The following SMIM35 variants were observed in gnomAD, a reference collection of about 807,000 sequenced individuals.
The protein encoded by SMIM35 is TMPRSS4 antisense RNA 1 (non-protein coding).
At chr11:118,021,179 C>T (rs2058228046) in intron 1 of SMIM35, among the ~76,000 whole-genome samples, 1 of 151,898 alleles carries the variant, frequency 6.6e-6, no homozygotes, top group South Asian at 2.1e-4. Flanking sequence ...CAAAGTAAAG[C>T]TTTTAGAAGC....
chr11:118,060,196 T>C (rs942733498), intron 1 of SMIM35, among the ~76,000 whole-genome samples: 5 of 152,148 alleles, frequency 3.3e-5, no homozygotes, highest in Admixed American at 1.3e-4. Flanking sequence ...CCCCCACCCA[T>C]GTGGCCTGCC....
rs535360958 is a variant in SMIM35 at position 118,023,312 on chromosome 11, G to C, written c.8-7503C>G. On this transcript the variant is annotated intron_variant, in intron 1 of 4. Coordinates refer to ENST00000689828, the MANE Select transcript of SMIM35 (RefSeq NM_001394165.1). Reference sequence around the variant, plus strand: ...TGTGAAAAAGAGGGAGAGGGAGAAAGAGAGATTCAATAAGTCTCAAATTAT... The same window carrying C: ...TGTGAAAAAGAGGGAGAGGGAGAAACAGAGATTCAATAAGTCTCAAATTAT... Among the ~76,000 whole-genome samples, 8 of 152,200 alleles carry C rather than the reference G, an allele frequency of 5.3e-5. No individual in the cohort carries two copies. The East Asian group carries it at 1.6e-3, about 30-fold the overall frequency.
At chr11:118,036,921 A>G (rs1565387222) in intron 1 of SMIM35, among the ~76,000 whole-genome samples, 2 of 152,192 alleles carry the variant, frequency 1.3e-5, no homozygotes. Flanking sequence ...CTCTCAGGCA[A>G]TAGATGATTG....
intron 1 of SMIM35, among the ~76,000 whole-genome samples, chr11:118,085,775 C>T (rs1945507345): frequency 6.6e-6 from 1 of 152,176 alleles, no homozygotes; most frequent in Non-Finnish European, 1.5e-5. Flanking sequence ...GAGTCCCCTC[C>T]AGCCATTGTC....
chr11:118,069,833 G>A (rs372962284), intron 1 of SMIM35, among the ~76,000 whole-genome samples: 2 of 152,132 alleles, frequency 1.3e-5, no homozygotes, highest in Non-Finnish European at 2.9e-5. Context: ...AAGCCGAGGC[G>A]GGTGGATCAC....
intron 1 of SMIM35, among the ~76,000 whole-genome samples, chr11:118,075,946 A>T (rs781176022): frequency 3.5e-4 from 53 of 152,198 alleles, no homozygotes; most frequent in Non-Finnish European, 6.8e-4. Flanking sequence ...AGCTCCAGCT[A>T]TCAGGATGTG....
intron 1 of SMIM35, among the ~76,000 whole-genome samples, chr11:118,072,591 G>A (rs1384287388): frequency 6.6e-6 from 1 of 152,168 alleles, no homozygotes; most frequent in Non-Finnish European, 1.5e-5. Flanking sequence ...AGGAAATCAG[G>A]CAGGGAGGAG....
intron 1 of SMIM35, among the ~76,000 whole-genome samples, chr11:118,021,585 A>G (rs927278941): frequency 6.6e-6 from 1 of 152,154 alleles, no homozygotes; most frequent in Non-Finnish European, 1.5e-5. Flanking sequence ...ACAGTCACAT[A>G]TAAAAGGGAA....
intron 1 of SMIM35, among the ~76,000 whole-genome samples, chr11:118,054,208 C>A (rs1272103448): frequency 7.1e-6 from 1 of 141,536 alleles, no homozygotes; most frequent in Non-Finnish European, 1.6e-5. Context: ...TGTTTGTTTG[C>A]TTGTTTGTTT....
intron 1 of SMIM35, among the ~76,000 whole-genome samples, chr11:118,044,191 A>T (rs1019104046): frequency 6.6e-6 from 1 of 152,096 alleles, no homozygotes; most frequent in African/African-American, 2.4e-5. Context: ...CTCAAAACCC[A>T]TGCAAAAAGC....
At chr11:118,017,657 G>A (rs1185613373) in intron 1 of SMIM35, among the ~76,000 whole-genome samples, 1 of 152,172 alleles carries the variant, frequency 6.6e-6, no homozygotes, top group Non-Finnish European at 1.5e-5. Context: ...TAAAGGAGGT[G>A]TATTAGTTTA....
At chr11:118,072,034 A>C (rs977174674) in intron 1 of SMIM35, among the ~76,000 whole-genome samples, 1 of 152,208 alleles carries the variant, frequency 6.6e-6, no homozygotes, top group African/African-American at 2.4e-5. Flanking sequence ...TCTTCAAGGC[A>C]GGAGATATTT....
chr11:118,055,535 G>A (rs1855675401), intron 1 of SMIM35, among the ~76,000 whole-genome samples: 1 of 152,038 alleles, frequency 6.6e-6, no homozygotes, highest in Non-Finnish European at 1.5e-5. Context: ...CTTTTGGTGG[G>A]GCATGTCTTC....
At chr11:118,044,772 C>CAAAAAAA (rs35072099) in intron 1 of SMIM35, among the ~76,000 whole-genome samples, 1 of 94,732 alleles carries the variant, frequency 1.1e-5, no homozygotes, top group African/African-American at 4.4e-5. Context: ...ACTCCATCTC[C>CAAAAAAA]AAAAAAAAAA....
chr11:118,054,531 C>T (rs1379574369), intron 1 of SMIM35, among the ~76,000 whole-genome samples: 3 of 152,150 alleles, frequency 2.0e-5, no homozygotes, highest in South Asian at 2.1e-4. Context: ...GTAACAACCA[C>T]GGTGCCATGG....
intron 1 of SMIM35, among the ~76,000 whole-genome samples, chr11:118,079,809 T>A (rs1037821238): frequency 6.6e-6 from 1 of 151,934 alleles, no homozygotes; most frequent in Non-Finnish European, 1.5e-5. Context: ...CACTGCAGGG[T>A]CCACCCTGAC....
At chr11:118,062,674 G>A (rs556051797) in intron 1 of SMIM35, among the ~76,000 whole-genome samples, 1 of 152,202 alleles carries the variant, frequency 6.6e-6, no homozygotes, top group South Asian at 2.1e-4. Flanking sequence ...CTGCACCCTT[G>A]CCTTCTTTGT....
At chr11:118,065,549 T>C (rs1286279395) in intron 1 of SMIM35, among the ~76,000 whole-genome samples, 2 of 152,198 alleles carry the variant, frequency 1.3e-5, no homozygotes, top group East Asian at 3.9e-4. Flanking sequence ...CTCTGGTCAC[T>C]TTCCACAGGC....
intron 1 of SMIM35, among the ~76,000 whole-genome samples, chr11:118,021,279 T>C (rs1419290648): frequency 6.6e-6 from 1 of 152,120 alleles, no homozygotes; most frequent in Non-Finnish European, 1.5e-5. Context: ...AAAATTGTTT[T>C]TTCTTTTTAC....
Sources: gnomAD v4.1 joint callset for allele counts (sites outside exome capture counted in the v4.1 genomes callset) on GRCh38, gnomAD v4.1.1 for gene constraint, MANE v1.5 for transcripts, NCBI Gene and HGNC (gene_info 2026-07-23, HGNC 2026-07-21) for gene names.